Variants in AGPAT4 observed in about 807,000 individuals in gnomAD.
The protein encoded by AGPAT4 is 1-acylglycerol-3-phosphate O-acyltransferase 4.
In AGPAT4, 15 loss-of-function variants were observed where a neutral mutation model predicts 48.0. That is an observed-to-expected ratio of 0.31 (90% CI 0.21 to 0.48). The LOEUF is 0.48. Ranked by LOEUF, AGPAT4 falls within the 20% of genes least tolerant of loss-of-function variation. AGPAT4 has a pLI of 0.99. For missense variants in AGPAT4, 314 were observed against 482.5 expected (o/e 0.65, Z 3.27); for synonymous variants, 178 against 198.7 (o/e 0.90, Z 0.88).
At chr6:161,253,495 C>A (rs918952862) in intron 1 of AGPAT4, among the ~76,000 whole-genome samples, 1 of 151,682 alleles carries the variant, frequency 6.6e-6, no homozygotes, top group Non-Finnish European at 1.5e-5. Context: ...ACCTCTTGCT[C>A]CCCCCACCTC....
Position 161,234,601 on chromosome 6 carries a change from GGCA to G in AGPAT4, c.-89-2302_-89-2300del, listed in dbSNP as rs1460609215. On this transcript the variant is annotated intron_variant, in intron 1 of 8. Transcript: ENST00000320285. The surrounding 1 kb of genome is among the most constrained non-coding windows in gnomAD (Gnocchi z 4.4). ...AGGGGTTTACATGGGTTTGCAGCTT[GGCA>G]GCAGTAACAGTTTGATGTTGAATAT... Among the ~76,000 whole-genome samples the G allele has an allele frequency of 2.6e-5, 4 of 152,150 alleles. No individual in the cohort carries two copies. The highest frequency in any genetic ancestry group is 5.9e-5 in the Non-Finnish European group (4 of 68,038).
chr6:161,224,602 C>A (rs190870083), intron 2 of AGPAT4, among the ~76,000 whole-genome samples: 1 of 142,956 alleles, frequency 7.0e-6, no homozygotes, highest in East Asian at 2.1e-4. Context: ...AGATTGGCCA[C>A]TGCACTCCAG....
rs890530283 is a variant in AGPAT4 at position 161,219,974 on chromosome 6, G to T, written c.178+12062C>A. Among the ~76,000 whole-genome samples, 1 of 147,200 alleles carries T rather than the reference G, an allele frequency of 6.8e-6. No individual in the cohort carries two copies. Among genetic ancestry groups the T allele is most frequent in the African/African-American group, 2.5e-5 (1 of 39,868 alleles). The stretch of plus-strand genomic sequence containing the variant: ...GACAGACAGACAGACAGACAGGCAG[G>T]CAGATAGATACATTTAAAAAATAAA... On this transcript the variant is annotated intron_variant, in intron 2 of 8. Coordinates refer to ENST00000320285, the MANE Select transcript of AGPAT4 (RefSeq NM_020133.3). The surrounding 1 kb of genome is among the most constrained non-coding windows in gnomAD (Gnocchi z 4.9).
rs1583324389 is a variant in AGPAT4 at position 161,201,190 on chromosome 6, G to A, written c.178+30846C>T. 6.6e-6 allele frequency among the ~76,000 whole-genome samples: 1 copy of A among 152,222 alleles called. No individual in the cohort carries two copies. Among genetic ancestry groups the A allele is most frequent in the East Asian group, 1.9e-4 (1 of 5,176 alleles). ...AGAAAATGAGCTGGCAGGGGAGTGG[G>A]GATTGGAGGCTGTTCAAGAGAGACT... On this transcript the variant is annotated intron_variant, in intron 2 of 8. Transcript: ENST00000320285. The surrounding 1 kb of genome is among the most constrained non-coding windows in gnomAD (Gnocchi z 6.0).
Position 161,240,713 on chromosome 6 carries a change from A to C in AGPAT4, c.-89-8411T>G, listed in dbSNP as rs1016467462. On this transcript the variant is annotated intron_variant, in intron 1 of 8. Transcript: ENST00000320285. This position sits in a 1 kb window ranked among gnomAD's most constrained non-coding sequence, Gnocchi z 5.5. ...AGAAAGGAGGGAGCTGGTGTCCAGC[A>C]CACACTACATTCAGATTGCCAGCAC... Among the ~76,000 whole-genome samples, 5 of 152,084 alleles carry C rather than the reference A, an allele frequency of 3.3e-5. No individual in the cohort carries two copies. The highest frequency in any genetic ancestry group is 5.9e-5 in the Non-Finnish European group (4 of 67,996).
At position 161,198,537 on chromosome 6, in the gene AGPAT4, G is replaced by A. The variant is rs1036503125; in HGVS notation, c.179-32120C>T. On this transcript the variant is annotated intron_variant, in intron 2 of 8. Transcript: ENST00000320285. This position sits in a 1 kb window ranked among gnomAD's most constrained non-coding sequence, Gnocchi z 4.3. ...CCATGACAGTGAGAAAAATAAACCA[G>A]GTGGCAAACACTACCTTTATGGTAG... 1.7e-4 allele frequency among the ~76,000 whole-genome samples: 26 copies of A among 152,184 alleles called. No individual in the cohort carries two copies. The highest frequency in any genetic ancestry group is 6.0e-4 in the African/African-American group (25 of 41,458).
chr6:161,145,340 A>C (rs895064048), intron 7 of AGPAT4, among the ~76,000 whole-genome samples: 3 of 151,646 alleles, frequency 2.0e-5, no homozygotes, highest in African/African-American at 7.3e-5. Flanking sequence ...GAGTCCATAC[A>C]TACAATTTGT....
At chr6:161,163,584 G>A (rs565826324) in intron 3 of AGPAT4, among the ~76,000 whole-genome samples, 361 of 152,284 alleles carry the variant, frequency 2.4e-3, no homozygotes, top group Non-Finnish European at 4.3e-3. Flanking sequence ...GGGGTTCCCT[G>A]GGAGGGTACA....
In AGPAT4 at chr6:161,204,307, C is replaced by T. The variant is rs149588563; in HGVS notation, c.178+27729G>A. Among the ~76,000 whole-genome samples, 462 of 152,254 alleles carry T rather than the reference C, an allele frequency of 3.0e-3. 3 individuals are homozygous for T. The highest frequency in any genetic ancestry group is 0.01 in the African/African-American group (436 of 41,562). ...TATGTCTGAAATTTGAGGAGATGAT[C>T]TCTAAGTTGGCCCGAATACATTTTC... On this transcript the variant is annotated intron_variant, in intron 2 of 8. Coordinates refer to ENST00000320285, the MANE Select transcript of AGPAT4 (RefSeq NM_020133.3). This position sits in a 1 kb window ranked among gnomAD's most constrained non-coding sequence, Gnocchi z 4.4.
intron 1 of AGPAT4, among the ~76,000 whole-genome samples, chr6:161,257,531 T>C (rs1782975249): frequency 6.6e-6 from 1 of 152,164 alleles, no homozygotes; most frequent in Non-Finnish European, 1.5e-5. Context: ...CCAAAACTCA[T>C]TGAACTATAC....
intron 1 of AGPAT4, among the ~76,000 whole-genome samples, chr6:161,257,167 C>T (rs1782965889): frequency 6.6e-6 from 1 of 152,160 alleles, no homozygotes; most frequent in Non-Finnish European, 1.5e-5. Flanking sequence ...TAGATGAATG[C>T]TAAAATGTTC....
rs1182620896 is a variant in AGPAT4, at chr6:161,244,661, T to A, written c.-89-12359A>T. 1.3e-5 allele frequency among the ~76,000 whole-genome samples: 2 copies of A among 152,126 alleles called. No individual in the cohort carries two copies. Among genetic ancestry groups the A allele is most frequent in the South Asian group, 4.1e-4 (2 of 4,826 alleles). On this transcript the variant is annotated intron_variant, in intron 1 of 8. Transcript: ENST00000320285. This position sits in a 1 kb window ranked among gnomAD's most constrained non-coding sequence, Gnocchi z 4.7. ...ATAATACTGAACCACCAAACAGAGA[T>A]AGCGAACTGCATTCTCTGACATCTC...
intron 5 of AGPAT4, among the ~76,000 whole-genome samples, chr6:161,152,790 C>T (rs1325185243): frequency 6.6e-6 from 1 of 152,034 alleles, no homozygotes; most frequent in Non-Finnish European, 1.5e-5. Context: ...ACTGTGAGGG[C>T]GTGGGGAGGC....
Position 161,161,360 on chromosome 6 carries a change from C to A in AGPAT4, c.348+4888G>T, listed in dbSNP as rs1779929125. ...GCCCTGGCCAGTGGTTCGCCTGCTA[C>A]CTCGGTCGTCACCATTATCGGGTTC... On this transcript the variant is annotated intron_variant, in intron 3 of 8. Coordinates refer to ENST00000320285, the MANE Select transcript of AGPAT4 (RefSeq NM_020133.3). The surrounding 1 kb of genome is among the most constrained non-coding windows in gnomAD (Gnocchi z 4.6). 3 of 456,604 alleles carry A rather than the reference C, an allele frequency of 6.6e-6. No individual in the cohort carries two copies. Among genetic ancestry groups the A allele is most frequent in the South Asian group, 4.6e-5 (3 of 64,578 alleles). The allele number at this position is 456,604 out of a possible 1,614,324, so 28.3% of individuals were successfully genotyped here. A position where few individuals can be genotyped will look rare whatever the true frequency, so the allele number is the denominator to read the frequency against.
chr6:161,137,687 C>T lies in AGPAT4; in HGVS notation c.1043-1053G>A, dbSNP rs1167393924. Among the ~76,000 whole-genome samples the T allele has an allele frequency of 1.3e-5, 2 of 152,136 alleles. No individual in the cohort carries two copies. The highest frequency in any genetic ancestry group is 1.5e-5 in the Non-Finnish European group (1 of 68,026). On this transcript the variant is annotated intron_variant, in intron 8 of 8. Transcript: ENST00000320285. This position sits in a 1 kb window ranked among gnomAD's most constrained non-coding sequence, Gnocchi z 6.1. ...TCCTTCAGGGAAGAATGCAGTCAGG[C>T]GCAGGCTCAGAGTAATGGGGCACGG...
rs1038479094 is a variant in AGPAT4, at chr6:161,208,147, A to C, written c.178+23889T>G. On this transcript the variant is annotated intron_variant, in intron 2 of 8. Coordinates refer to ENST00000320285, the MANE Select transcript of AGPAT4 (RefSeq NM_020133.3). This position sits in a 1 kb window ranked among gnomAD's most constrained non-coding sequence, Gnocchi z 4.6. Reference sequence around the variant, plus strand: ...GAGTTCCAATTCTAATAAGAAAAAAACTGAACTGTCAGAAAAACAGATTTT... The same window carrying C: ...GAGTTCCAATTCTAATAAGAAAAAACCTGAACTGTCAGAAAAACAGATTTT... Among the ~76,000 whole-genome samples the C allele has an allele frequency of 1.3e-5, 2 of 152,128 alleles. No homozygotes were observed. Among genetic ancestry groups the C allele is most frequent in the African/African-American group, 2.4e-5 (1 of 41,402 alleles).
rs1263819840 is a variant in AGPAT4 at position 161,246,801 on chromosome 6, T to C, written c.-89-14499A>G. On this transcript the variant is annotated intron_variant, in intron 1 of 8. Coordinates refer to ENST00000320285, the MANE Select transcript of AGPAT4 (RefSeq NM_020133.3). This position sits in a 1 kb window ranked among gnomAD's most constrained non-coding sequence, Gnocchi z 5.5. ...CCCCTTCCACTTCTTACAGAACAGATGCTCAATAAATACTGATTCCATCTG... is the reference window on the plus strand; with the variant it reads ...CCCCTTCCACTTCTTACAGAACAGACGCTCAATAAATACTGATTCCATCTG... 6.6e-6 allele frequency among the ~76,000 whole-genome samples: 1 copy of C among 152,206 alleles called. No homozygotes were observed. The highest frequency in any genetic ancestry group is 1.5e-5 in the Non-Finnish European group (1 of 68,040).
rs1778912838 is a variant in AGPAT4, at chr6:161,131,912, G to T, written c.*4628C>A. The T allele has an allele frequency of 6.6e-6, 1 of 152,170 alleles. No individual in the cohort carries two copies. Among genetic ancestry groups the T allele is most frequent in the Non-Finnish European group, 1.5e-5 (1 of 68,046 alleles). The allele number at this position is 152,170 out of a possible 1,614,324, so 9.4% of individuals were successfully genotyped here. A position where few individuals can be genotyped will look rare whatever the true frequency, so the allele number is the denominator to read the frequency against. Reference sequence around the variant, plus strand: ...GACAGGTCAAAACCCTGGAGTATTTGGTTTGTGTTTAAATGTACTTGACAC... The same window carrying T: ...GACAGGTCAAAACCCTGGAGTATTTTGTTTGTGTTTAAATGTACTTGACAC... On this transcript the variant is annotated 3_prime_UTR_variant, in exon 9 of 9. Transcript: ENST00000320285.
At chr6:161,185,047 G>T (rs562776261) in intron 2 of AGPAT4, among the ~76,000 whole-genome samples, 1 of 151,850 alleles carries the variant, frequency 6.6e-6, no homozygotes, top group African/African-American at 2.4e-5. Flanking sequence ...GTGGAGCGGG[G>T]GGTCTGTTCT....
Sources: gnomAD v4.1 joint callset for allele counts (sites outside exome capture counted in the v4.1 genomes callset) on GRCh38, gnomAD v4.1.1 for gene constraint, Gnocchi (gnomAD v3.1) non-coding constraint, MANE v1.5 for transcripts, NCBI Gene and HGNC (gene_info 2026-07-23, HGNC 2026-07-21) for gene names.